VSIG10: variants seen among roughly 807,000 people sequenced by gnomAD.
VSIG10 encodes the protein V-set and immunoglobulin domain-containing protein 10.
In VSIG10, 48 loss-of-function variants were observed where a neutral mutation model predicts 58.7. The ratio of observed to expected loss-of-function variants is 0.82; its 90% CI spans 0.65 to 1.04. The LOEUF (loss-of-function observed/expected upper bound fraction) is 1.04, where lower values mean the gene tolerates loss of function less well. VSIG10 is among the 50% of genes least tolerant of loss of function. The probability of loss-of-function intolerance (pLI) is 0.00; values close to 1 mark genes in which losing one functional copy is unlikely to be tolerated. For synonymous variants in VSIG10, 260 were observed against 267.1 expected (o/e 0.97, Z 0.26); for missense variants, 628 against 670.0 (o/e 0.94, Z 0.69).
chr12:118,077,971 C>T (rs2032792531), intron 4 of VSIG10, among the ~76,000 whole-genome samples: 1 of 152,086 alleles, frequency 6.6e-6, no homozygotes, highest in South Asian at 2.1e-4. Flanking sequence ...AATGGTTATT[C>T]TTGTTTTAAG....
intron 3 of VSIG10, among the ~76,000 whole-genome samples, chr12:118,081,366 G>A (rs926806348): frequency 2.6e-5 from 4 of 151,738 alleles, no homozygotes; most frequent in African/African-American, 7.3e-5. Flanking sequence ...TCGCCCTGTC[G>A]CCCAGGCTGA....
intron 3 of VSIG10, among the ~76,000 whole-genome samples, chr12:118,080,554 G>A (rs1023601883): frequency 1.3e-5 from 2 of 152,118 alleles, no homozygotes; most frequent in East Asian, 1.9e-4. Flanking sequence ...AGATTCACAC[G>A]CTACTTGTTC....
chr12:118,102,143 G>C (rs1009457814), intron 1 of VSIG10: 2 of 152,314 alleles, frequency 1.3e-5, no homozygotes, highest in East Asian at 1.9e-4. Context: ...GTGGAGATAG[G>C]TTCCCCATGG....
intron 4 of VSIG10, among the ~76,000 whole-genome samples, chr12:118,077,302 A>G (rs1158765746): frequency 2.6e-5 from 4 of 152,092 alleles, no homozygotes; most frequent in Admixed American, 2.6e-4. Flanking sequence ...GCTCCTTCTC[A>G]TTCTAAGGAT....
chr12:118,102,383 A>T (rs2033643673), intron 1 of VSIG10: 1 of 152,370 alleles, frequency 6.6e-6, no homozygotes, highest in African/African-American at 2.4e-5. Flanking sequence ...AAATGCCTGC[A>T]GGGCCAGCAG....
At chr12:118,082,457 CATTA>C in intron 2 of VSIG10, 28 bp from the exon 3 acceptor site, 1 of 1,589,420 alleles carries the variant, frequency 6.3e-7, no homozygotes, top group Non-Finnish European at 8.6e-7. Context: ...AATAGGATGG[CATTA>C]ATTATGTAAG....
chr12:118,092,046 A>G (rs1277376281), intron 2 of VSIG10, among the ~76,000 whole-genome samples: 1 of 151,720 alleles, frequency 6.6e-6, no homozygotes, highest in Admixed American at 6.6e-5. Context: ...GTGAGCCACC[A>G]CATCCAGCCT....
chr12:118,086,437 G>T (rs536548490), intron 2 of VSIG10, among the ~76,000 whole-genome samples: 1 of 151,394 alleles, frequency 6.6e-6, no homozygotes, highest in East Asian at 1.9e-4. Context: ...CAGTGTGGGT[G>T]ACCAAGTAAA....
chr12:118,081,433 C>G (rs2032944659), intron 3 of VSIG10, among the ~76,000 whole-genome samples: 1 of 151,878 alleles, frequency 6.6e-6, no homozygotes, highest in African/African-American at 2.4e-5. Context: ...TCAAGGGATT[C>G]TCTGCCTCAG....
At chr12:118,081,876 C>T (rs534052031) in intron 3 of VSIG10, among the ~76,000 whole-genome samples, 3 of 152,072 alleles carry the variant, frequency 2.0e-5, no homozygotes, top group Non-Finnish European at 4.4e-5. Context: ...ATTAGCTGAG[C>T]GTGGTGGCCC....
chr12:118,073,907 G>GT lies in VSIG10; in HGVS notation c.1010dup (p.Tyr337Ter), dbSNP rs1183102894. 1 of 1,613,722 alleles carries GT rather than the reference G, an allele frequency of 6.2e-7. No homozygotes were observed. Among genetic ancestry groups the GT allele is most frequent in the Admixed American group, 1.7e-5 (1 of 59,998 alleles). Residue 337 changes from tyrosine (Y) to a stop codon, truncating the protein, a stop_gained and frameshift_variant, in exon 5 of 9, where the codon TAC (tyrosine) becomes TAAC (stop). Transcript: ENST00000359236. LOFTEE classifies it high-confidence loss of function. ...VTLTCQVSGA[Y>*]PPAKILWLRN... is the part of the protein sequence containing the mutation. The stretch of plus-strand genomic sequence containing the variant: ...TCAGCCACAGGATCTTGGCAGGGGG[G>GT]TAGGCCCCAGACACCTGGCATGTAA...
chr12:118,076,653 TG>T (rs1291855234), intron 4 of VSIG10, among the ~76,000 whole-genome samples: 1 of 150,284 alleles, frequency 6.7e-6, no homozygotes, highest in East Asian at 2.0e-4. Context: ...CTGGCGCTTC[TG>T]ATCTCTCTTA....
chr12:118,096,663 C>T (rs1474629091), intron 1 of VSIG10, among the ~76,000 whole-genome samples: 2 of 151,244 alleles, frequency 1.3e-5, no homozygotes, highest in African/African-American at 2.4e-5. Context: ...TCACTTGATC[C>T]GCCGGCCTCG....
intron 4 of VSIG10, among the ~76,000 whole-genome samples, chr12:118,077,871 C>T (rs1386524984): frequency 6.6e-6 from 1 of 152,218 alleles, no homozygotes; most frequent in Non-Finnish European, 1.5e-5. Context: ...TTCCGGCTGA[C>T]ACCCCAGACA....
At chr12:118,085,430 C>T (rs2033092744) in intron 2 of VSIG10, among the ~76,000 whole-genome samples, 1 of 152,228 alleles carries the variant, frequency 6.6e-6, no homozygotes, top group Non-Finnish European at 1.5e-5. Context: ...CTTGTTTGGC[C>T]TGAGAAAAAC....
rs1018142703 is a variant in VSIG10, at chr12:118,078,189, C to T, written c.925+1157G>A. 3.3e-5 allele frequency among the ~76,000 whole-genome samples: 5 copies of T among 152,140 alleles called. No individual in the cohort carries two copies. In the East Asian group the frequency reaches 5.8e-4, roughly 18 times the overall value. ...ATTTTCTTTTTTTGAGATGGAGTCT[C>T]ACTCCATCGCCCAGGCTGGAGTGCA... On this transcript the variant is annotated intron_variant, in intron 4 of 8. Coordinates refer to ENST00000359236, the MANE Select transcript of VSIG10 (RefSeq NM_019086.6).
At position 118,079,530 on chromosome 12, in the gene VSIG10, C is replaced by T; in HGVS notation, c.741G>A (p.Trp247Ter). 6.2e-7 allele frequency: 1 copy of T among 1,614,016 alleles called. No individual in the cohort carries two copies. Among genetic ancestry groups the T allele is most frequent in the Non-Finnish European group, 8.5e-7 (1 of 1,179,902 alleles). The change falls in exon 4 of 9, where the codon TGG (tryptophan) becomes TGA (stop). Residue 247 changes from tryptophan to a stop codon, truncating the protein, a stop_gained. Transcript: ENST00000359236. LOFTEE classifies it high-confidence loss of function. ...AGTCAGGGTCAGGGTATCCCCCATC[C>T]CAGCGACAGGTAAGCTGCAACATGA... is the stretch of plus-strand genomic sequence containing the variant. ...GSFMLQLTCR[W>*]DGGYPDPDFL...
At chr12:118,081,349 C>T (rs771516262) in intron 3 of VSIG10, among the ~76,000 whole-genome samples, 29 of 151,784 alleles carry the variant, frequency 1.9e-4, no homozygotes, top group African/African-American at 6.3e-4. Flanking sequence ...TTTTTTGAGA[C>T]GGAGTCTCGC....
intron 1 of VSIG10, chr12:118,103,272 A>T (rs2033664865): frequency 3.8e-5 from 7 of 184,712 alleles, no homozygotes; most frequent in Non-Finnish European, 5.5e-5. Context: ...TCCGACGCTT[A>T]AAAAAAAAAA....
Sources: gnomAD v4.1 joint callset for allele counts (sites outside exome capture counted in the v4.1 genomes callset) on GRCh38, gnomAD v4.1.1 for gene constraint, MANE v1.5 for transcripts, NCBI Gene and HGNC (gene_info 2026-07-23, HGNC 2026-07-21) for gene names.